The following IGF1R variants were observed in gnomAD, a reference collection of about 807,000 sequenced individuals.
The protein encoded by IGF1R is insulin-like growth factor 1 receptor.
In IGF1R, 44 loss-of-function variants were observed where a neutral mutation model predicts 144.6. The ratio of observed to expected loss-of-function variants is 0.30; its 90% CI spans 0.24 to 0.39. The LOEUF (loss-of-function observed/expected upper bound fraction) is 0.39, where lower values mean the gene tolerates loss of function less well. Among genes scored for constraint, IGF1R ranks in the 10% least tolerant of loss-of-function variants. The probability of loss-of-function intolerance (pLI) is 1.00; values close to 1 mark genes in which losing one functional copy is unlikely to be tolerated. For missense variants in IGF1R, 1,355 were observed against 1,833.7 expected (o/e 0.74, Z 4.77); for synonymous variants, 795 against 722.8 (o/e 1.10, Z -1.60).
intron 2 of IGF1R, among the ~76,000 whole-genome samples, chr15:98,772,837 A>G (rs1235936407): frequency 6.6e-6 from 1 of 151,852 alleles, no homozygotes. Flanking sequence ...TGATATTACG[A>G]TGTTTGTTAT....
chr15:98,800,469 C>A lies in IGF1R; in HGVS notation c.641-90856C>A, dbSNP rs535633767. ...GGCAATCTTTAATTAACTTGGCAAC[C>A]CCCGTTTTACCAACAAAGAACAACC... On this transcript the variant is annotated intron_variant, in intron 2 of 20. Transcript: ENST00000650285. Among the ~76,000 whole-genome samples, 45 of 151,972 alleles carry A rather than the reference C, an allele frequency of 3.0e-4. No individual in the cohort carries two copies. In the South Asian group the frequency reaches 8.1e-3, roughly 27 times the overall value.
At chr15:98,675,712 TAAGTG>T (rs756245089) in intron 1 of IGF1R, among the ~76,000 whole-genome samples, 40 of 152,184 alleles carry the variant, frequency 2.6e-4, no homozygotes, top group Non-Finnish European at 5.3e-4. Flanking sequence ...TATTTGTAGT[TAAGTG>T]AAGTAAGATA....
intron 2 of IGF1R, among the ~76,000 whole-genome samples, chr15:98,839,365 A>AT (rs1411141106): frequency 2.6e-5 from 4 of 152,214 alleles, no homozygotes; most frequent in African/African-American, 9.6e-5. Context: ...ACTGCCTCTC[A>AT]TTAGAAGTCT....
At chr15:98,945,567 A>G (rs1201756613) in intron 19 of IGF1R, among the ~76,000 whole-genome samples, 5 of 152,076 alleles carry the variant, frequency 3.3e-5, no homozygotes, top group Non-Finnish European at 7.4e-5. Flanking sequence ...AAGAGCCAAC[A>G]CCACATAGTA....
At chr15:98,686,950 G>A (rs185503098) in intron 1 of IGF1R, among the ~76,000 whole-genome samples, 8 of 152,258 alleles carry the variant, frequency 5.3e-5, no homozygotes, top group East Asian at 3.9e-4. Flanking sequence ...GATTATAGGC[G>A]TGAGCCACTG....
At position 98,960,232 on chromosome 15, in the gene IGF1R, C is replaced by T. The variant is rs116869031; in HGVS notation, c.*2790C>T. 6.4e-3 allele frequency: 1,501 copies of T among 233,650 alleles called. 8 individuals are homozygous for T. The highest frequency in any genetic ancestry group is 0.025 in the Middle Eastern group (20 of 786). The allele number at this position is 233,650 out of a possible 1,614,324, so 14.5% of individuals were successfully genotyped here. A position where few individuals can be genotyped will look rare whatever the true frequency, so the allele number is the denominator to read the frequency against. ...TATTCCGGGGTCAAAGCAACACTAA[C>T]TCACCTCTCTGCTCATTTCAGACAG... is the stretch of plus-strand genomic sequence containing the variant. On this transcript the variant is annotated 3_prime_UTR_variant, in exon 21 of 21. Coordinates refer to ENST00000650285, the MANE Select transcript of IGF1R (RefSeq NM_000875.5).
intron 1 of IGF1R, among the ~76,000 whole-genome samples, chr15:98,696,296 T>G (rs2053596562): frequency 1.3e-5 from 2 of 152,224 alleles, no homozygotes. Context: ...GTGCCATCGT[T>G]CAAGTAATTG....
intron 2 of IGF1R, among the ~76,000 whole-genome samples, chr15:98,855,414 G>T (rs1041095486): frequency 6.6e-6 from 1 of 152,240 alleles, no homozygotes; most frequent in African/African-American, 2.4e-5. Context: ...GTGCCTTGCA[G>T]GTACTTAGGA....
intron 11 of IGF1R, among the ~76,000 whole-genome samples, chr15:98,923,468 G>A (rs925741337): frequency 6.6e-5 from 10 of 152,248 alleles, no homozygotes; most frequent in African/African-American, 2.4e-4. Flanking sequence ...CATCTTTCCA[G>A]GGCTGCTTGT....
At chr15:98,662,979 G>A (rs115878268) in intron 1 of IGF1R, among the ~76,000 whole-genome samples, 1,826 of 152,270 alleles carry the variant, frequency 0.012, 29 homozygotes, top group African/African-American at 0.041. Flanking sequence ...TTCTGGGGAG[G>A]CTGCTCTGGT....
At chr15:98,918,434 T>C (rs932325737) in intron 10 of IGF1R, among the ~76,000 whole-genome samples, 9 of 152,166 alleles carry the variant, frequency 5.9e-5, no homozygotes, top group African/African-American at 1.9e-4. Context: ...CTTTTTGATA[T>C]TTGCAAAATG....
intron 5 of IGF1R, among the ~76,000 whole-genome samples, chr15:98,904,114 G>A (rs1439148527): frequency 6.8e-6 from 1 of 148,056 alleles, no homozygotes; most frequent in Non-Finnish European, 1.5e-5. Flanking sequence ...GTGCAGTGGC[G>A]CTGTCTCGGA....
chr15:98,744,816 T>A (rs978519545), intron 2 of IGF1R, among the ~76,000 whole-genome samples: 1 of 152,286 alleles, frequency 6.6e-6, no homozygotes, highest in Middle Eastern at 3.4e-3. Context: ...CTTTCCTTGT[T>A]TGATCCTTAT....
At chr15:98,952,303 AACAC>A (rs143223923) in intron 20 of IGF1R, among the ~76,000 whole-genome samples, 9 of 146,566 alleles carry the variant, frequency 6.1e-5, no homozygotes, top group East Asian at 2.0e-4. Context: ...GTACCCCACC[AACAC>A]ACACACACAC....
chr15:98,764,365 C>T (rs1356852574), intron 2 of IGF1R, among the ~76,000 whole-genome samples: 2 of 151,978 alleles, frequency 1.3e-5, no homozygotes, highest in Non-Finnish European at 2.9e-5. Context: ...CTAGTTTTAT[C>T]ACAAGACAAG....
intron 1 of IGF1R, among the ~76,000 whole-genome samples, chr15:98,698,997 C>G (rs1234422499): frequency 6.6e-6 from 1 of 152,178 alleles, no homozygotes; most frequent in Non-Finnish European, 1.5e-5. Flanking sequence ...GTAATGTGTT[C>G]TACAAAATGA....
At chr15:98,736,902 G>A (rs2054624087) in intron 2 of IGF1R, among the ~76,000 whole-genome samples, 1 of 152,068 alleles carries the variant, frequency 6.6e-6, no homozygotes, top group African/African-American at 2.4e-5. Flanking sequence ...GTGAGCCACC[G>A]AGCCTGGCTG....
Position 98,786,370 on chromosome 15 carries a change from G to A in IGF1R, c.640+78263G>A, listed in dbSNP as rs112299131. 3.7e-5 allele frequency among the ~76,000 whole-genome samples: 3 copies of A among 80,594 alleles called. 1 individual carries two copies. The highest frequency in any genetic ancestry group is 9.9e-5 in the African/African-American group (3 of 30,392). 52.9% of individuals were successfully genotyped at this position (80,594 alleles called of 152,430 possible). On this transcript the variant is annotated intron_variant, in intron 2 of 20. Coordinates refer to ENST00000650285, the MANE Select transcript of IGF1R (RefSeq NM_000875.5). ...ACTCAGTGGTTTAATTGTTAACCAG[G>A]GAGTTAATTTTTTTTTTTTATTAAA...
At chr15:98,932,986 G>A (rs1396905265) in intron 15 of IGF1R, among the ~76,000 whole-genome samples, 1 of 152,212 alleles carries the variant, frequency 6.6e-6, no homozygotes, top group Non-Finnish European at 1.5e-5. Flanking sequence ...TTAGGATACA[G>A]TTGTCAGCCT....
Sources: allele counts gnomAD v4.1 joint callset (sites outside exome capture counted in the v4.1 genomes callset), GRCh38; gene constraint gnomAD v4.1.1; transcripts MANE v1.5; gene names NCBI Gene and HGNC (gene_info 2026-07-23, HGNC 2026-07-21).